TRPM3: variants seen among roughly 807,000 people sequenced by gnomAD.
The protein encoded by TRPM3 is long transient receptor potential channel 3.
TRPM3 carries 77 observed loss-of-function variants against 181.2 expected under a neutral mutation model. The ratio of observed to expected loss-of-function variants is 0.42; its 90% CI spans 0.35 to 0.51. The LOEUF is 0.51. Among genes scored for constraint, TRPM3 ranks in the 20% least tolerant of loss-of-function variants. The pLI is 0.01. For synonymous variants in TRPM3, 745 were observed against 796.4 expected (o/e 0.94, Z 1.09); for missense variants, 1,759 against 2,196.7 (o/e 0.80, Z 3.98).
At chr9:71,264,413 A>G (rs1281692595) in intron 1 of TRPM3, among the ~76,000 whole-genome samples, 3 of 152,198 alleles carry the variant, frequency 2.0e-5, no homozygotes, top group Non-Finnish European at 4.4e-5. Context: ...TCATTTATCA[A>G]TTACACTTCA....
intron 1 of TRPM3, among the ~76,000 whole-genome samples, chr9:71,050,578 CA>C (rs990409297): frequency 1.3e-5 from 2 of 152,034 alleles, no homozygotes. Flanking sequence ...TATTTTTCCA[CA>C]AAAAAATAAA....
chr9:70,846,077 T>A (rs1011654502), intron 4 of TRPM3, among the ~76,000 whole-genome samples: 3 of 152,236 alleles, frequency 2.0e-5, no homozygotes, highest in Middle Eastern at 3.2e-3. Flanking sequence ...CCTAAAGAAT[T>A]ATTGGCAACT....
At chr9:71,077,979 C>T (rs371771258) in intron 1 of TRPM3, among the ~76,000 whole-genome samples, 3 of 149,064 alleles carry the variant, frequency 2.0e-5, no homozygotes, top group African/African-American at 7.4e-5. Flanking sequence ...TCTTGGTGTA[C>T]AGCTGGCTGG....
At chr9:70,968,755 G>A in intron 1 of TRPM3, among the ~76,000 whole-genome samples, 1 of 152,022 alleles carries the variant, frequency 6.6e-6, no homozygotes, top group Admixed American at 6.6e-5. Flanking sequence ...ATTATATAAG[G>A]TAGATAGTAT....
intron 25 of TRPM3, among the ~76,000 whole-genome samples, chr9:70,537,960 T>C (rs2042212592): frequency 6.6e-6 from 1 of 152,248 alleles, no homozygotes; most frequent in Non-Finnish European, 1.5e-5. Flanking sequence ...ATTTTTATTT[T>C]GCATTTATAC....
chr9:71,389,766 A>G (rs1395350265), intron 1 of TRPM3, among the ~76,000 whole-genome samples: 2 of 152,164 alleles, frequency 1.3e-5, no homozygotes, highest in African/African-American at 4.8e-5. Context: ...TCTCACTGAT[A>G]TGTGGGAGCT....
intron 1 of TRPM3, among the ~76,000 whole-genome samples, chr9:71,424,824 G>A (rs147756031): frequency 3.3e-4 from 50 of 152,180 alleles, no homozygotes; most frequent in African/African-American, 1.2e-3. Context: ...CTGCTCCCTT[G>A]TACTTTATAG....
At chr9:71,133,932 A>G (rs1310861461) in intron 1 of TRPM3, among the ~76,000 whole-genome samples, 1 of 151,138 alleles carries the variant, frequency 6.6e-6, no homozygotes, top group Non-Finnish European at 1.5e-5. Context: ...CTTCTTCCTT[A>G]CTGGTCTCAT....
At chr9:70,960,699 G>A (rs545953694) in intron 1 of TRPM3, among the ~76,000 whole-genome samples, 85 of 152,152 alleles carry the variant, frequency 5.6e-4, no homozygotes, top group Non-Finnish European at 8.1e-4. Context: ...GGGTGGGCAC[G>A]TGGGTACTTT....
intron 1 of TRPM3, among the ~76,000 whole-genome samples, chr9:71,218,998 C>T (rs1588010492): frequency 1.3e-5 from 2 of 152,274 alleles, no homozygotes; most frequent in East Asian, 3.9e-4. Context: ...TAAGTGCTTA[C>T]CAGGCAAGGA....
At chr9:70,544,416 A>G (rs1218430287) in intron 25 of TRPM3, among the ~76,000 whole-genome samples, 1 of 152,218 alleles carries the variant, frequency 6.6e-6, no homozygotes, top group Non-Finnish European at 1.5e-5. Context: ...TAGATGATCA[A>G]TATCTGTGAT....
chr9:71,223,035 G>A (rs544971405), intron 1 of TRPM3, among the ~76,000 whole-genome samples: 1 of 152,118 alleles, frequency 6.6e-6, no homozygotes, highest in Admixed American at 6.5e-5. Context: ...GTGGACTTGG[G>A]GGCTAGGGGC....
intron 1 of TRPM3, among the ~76,000 whole-genome samples, chr9:70,937,618 A>G: frequency 6.6e-6 from 1 of 152,152 alleles, no homozygotes; most frequent in East Asian, 1.9e-4. Context: ...GTAGGTAAGT[A>G]ACTTGTATTT....
intron 1 of TRPM3, among the ~76,000 whole-genome samples, chr9:71,180,237 T>C (rs1346075635): frequency 2.6e-5 from 4 of 151,962 alleles, no homozygotes; most frequent in Admixed American, 2.0e-4. Flanking sequence ...GTATTTTTAA[T>C]AGAGATGGGG....
chr9:70,636,597 G>A (rs1423643005), intron 11 of TRPM3, among the ~76,000 whole-genome samples: 2 of 151,536 alleles, frequency 1.3e-5, no homozygotes, highest in African/African-American at 4.8e-5. Flanking sequence ...TAACAAAATT[G>A]TCTGTTGTTA....
chr9:71,121,050 C>T (rs1269438393), intron 1 of TRPM3, 128 bp downstream of exon 1: 3 of 820,766 alleles, frequency 3.7e-6, no homozygotes, highest in Admixed American at 2.9e-5. Flanking sequence ...TCTCCAGCCA[C>T]GGACCACAGA....
intron 1 of TRPM3, among the ~76,000 whole-genome samples, chr9:71,023,664 C>A (rs1666676858): frequency 6.9e-6 from 1 of 144,348 alleles, no homozygotes; most frequent in East Asian, 2.0e-4. Context: ...TTGATGTATG[C>A]AACAACTTGG....
chr9:70,673,211 G>A (rs1353788147), intron 9 of TRPM3, among the ~76,000 whole-genome samples: 2 of 152,088 alleles, frequency 1.3e-5, no homozygotes, highest in African/African-American at 2.4e-5. Flanking sequence ...TTTGGGATGA[G>A]GTAGTAATAA....
chr9:71,272,967 C>T (rs1051280764), intron 1 of TRPM3, among the ~76,000 whole-genome samples: 10 of 151,830 alleles, frequency 6.6e-5, no homozygotes, highest in Non-Finnish European at 1.2e-4. Flanking sequence ...CTTCGCCTCC[C>T]GGGTTCAAAC....
Sources: gnomAD v4.1 joint callset for allele counts (sites outside exome capture counted in the v4.1 genomes callset) on GRCh38, gnomAD v4.1.1 for gene constraint, MANE v1.5 for transcripts, NCBI Gene and HGNC (gene_info 2026-07-23, HGNC 2026-07-21) for gene names.